The following ENDOV variants were observed in gnomAD, a reference collection of about 807,000 sequenced individuals.
The protein encoded by ENDOV is hEndoV.
ENDOV carries 37 observed loss-of-function variants against 39.4 expected under a neutral mutation model. The ratio of observed to expected loss-of-function variants is 0.94; its 90% CI spans 0.72 to 1.23. The LOEUF (loss-of-function observed/expected upper bound fraction) is 1.23. ENDOV is among the 50% of genes most tolerant of loss of function. The probability of loss-of-function intolerance (pLI) is 0.00; values close to 1 mark genes in which losing one functional copy is unlikely to be tolerated. For missense variants in ENDOV, 441 were observed against 375.7 expected (o/e 1.17, Z -1.44); for synonymous variants, 186 against 163.4 (o/e 1.14, Z -1.05).
chr17:80,436,299 G>T lies in ENDOV; in HGVS notation c.*156G>T. 1 of 1,573,776 alleles carries T rather than the reference G, an allele frequency of 6.4e-7. No individual in the cohort carries two copies. The highest frequency in any genetic ancestry group is 8.6e-7 in the Non-Finnish European group (1 of 1,165,310). On this transcript the variant is annotated 3_prime_UTR_variant, in exon 10 of 10. Transcript: ENST00000518137. The stretch of plus-strand genomic sequence containing the variant: ...CGCGGTGGTGAGAGCACACGTCCTC[G>T]TCTCGTTCCTGATCGAACGTGGTGG...
At position 80,415,630 on chromosome 17, in the gene ENDOV, T is replaced by C; in HGVS notation, c.57-20T>C. ...TCTGAGGTGTGACCCCGACCAAGTTTGACGCTTCTGTCCTCCTAGGGAGCA... is the reference window on the plus strand; with the variant it reads ...TCTGAGGTGTGACCCCGACCAAGTTCGACGCTTCTGTCCTCCTAGGGAGCA... On this transcript the variant is annotated intron_variant, in intron 1 of 9. Transcript: ENST00000518137. 7 of 1,609,350 alleles carry C rather than the reference T, an allele frequency of 4.3e-6. No homozygotes were observed. The highest frequency in any genetic ancestry group is 5.9e-6 in the Non-Finnish European group (7 of 1,177,840).
rs529071031 is a variant in ENDOV at position 80,415,907 on chromosome 17, A to G, written c.228+86A>G. Reference sequence around the variant, plus strand: ...CCGGGACAGGGAGCAGTGCAAGCGTAGAACCCGGCTTCTCGTTTTGTAGGA... The same window carrying G: ...CCGGGACAGGGAGCAGTGCAAGCGTGGAACCCGGCTTCTCGTTTTGTAGGA... On this transcript the variant is annotated intron_variant, in intron 2 of 9. Coordinates refer to ENST00000518137, the MANE Select transcript of ENDOV (RefSeq NM_173627.5). The G allele has an allele frequency of 1.9e-4, 283 of 1,472,640 alleles. 2 individuals carry two copies. In the South Asian group the frequency reaches 3.5e-3, roughly 18 times the overall value. The allele number at this position is 1,472,640 out of a possible 1,614,324, so 91.2% of individuals were successfully genotyped here.
intron 2 of ENDOV, chr17:80,416,119 C>G: frequency 3.9e-6 from 1 of 255,480 alleles, no homozygotes; most frequent in Non-Finnish European, 7.6e-6. Flanking sequence ...TACCTGTAAT[C>G]CCAGCTACTC....
chr17:80,437,372 G>C lies in ENDOV; in HGVS notation c.*1229G>C, dbSNP rs901651279. 6.5e-6 allele frequency: 1 copy of C among 152,702 alleles called. No homozygotes were observed. The highest frequency in any genetic ancestry group is 2.4e-5 in the African/African-American group (1 of 41,466). 9.5% of individuals were successfully genotyped at this position (152,702 alleles called of 1,614,324 possible). ...CAGCACCCCACCAAGTCCTCAGTAA[G>C]GCCTGTCTTTGGGGGAGCAGGGTTT... On this transcript the variant is annotated 3_prime_UTR_variant, in exon 10 of 10. Coordinates refer to ENST00000518137, the MANE Select transcript of ENDOV (RefSeq NM_173627.5).
Position 80,425,113 on chromosome 17 carries a change from G to A in ENDOV, c.585+13G>A. ...TGTCCTGGGAATGGTGAGTAGCTAG[G>A]GCCCTGAGCTCCTCCAAAGCCCCGG... On this transcript the variant is annotated intron_variant, in intron 6 of 9. Coordinates refer to ENST00000518137, the MANE Select transcript of ENDOV (RefSeq NM_173627.5). 1.2e-6 allele frequency: 2 copies of A among 1,601,938 alleles called. No individual in the cohort carries two copies. Among genetic ancestry groups the A allele is most frequent in the Non-Finnish European group, 1.7e-6 (2 of 1,174,166 alleles).
intron 8 of ENDOV, among the ~76,000 whole-genome samples, chr17:80,429,070 A>C (rs926482485): frequency 2.1e-4 from 32 of 152,198 alleles, no homozygotes; most frequent in African/African-American, 7.0e-4. Flanking sequence ...GCACTCTTCG[A>C]GCCTCAGCTT....
rs898120791 is a variant in ENDOV at position 80,435,898 on chromosome 17, G to A, written c.839-235G>A. 7.2e-5 allele frequency among the ~76,000 whole-genome samples: 11 copies of A among 152,116 alleles called. No homozygotes were observed. In the East Asian group the frequency reaches 1.7e-3, roughly 24 times the overall value. On this transcript the variant is annotated intron_variant, in intron 9 of 9. Transcript: ENST00000518137. ...CCCAAAGTGCTGGGATTACAGGCGT[G>A]AGCCATTGTGTCCGGCCTAGTTTTT...
chr17:80,427,493 A>C, intron 7 of ENDOV: 1 of 985,460 alleles, frequency 1.0e-6, no homozygotes, highest in Non-Finnish European at 1.2e-6. Context: ...GAGCCTGCCA[A>C]ATCCTGGGCC....
chr17:80,429,481 C>T (rs7210752), intron 8 of ENDOV, among the ~76,000 whole-genome samples: 2,087 of 152,310 alleles, frequency 0.014, 52 homozygotes, highest in African/African-American at 0.047. Flanking sequence ...GCGGTTCCTT[C>T]GTGCTCATTT....
At chr17:80,418,085 C>T (rs2081441978) in intron 2 of ENDOV, 1 of 152,180 alleles carries the variant, frequency 6.6e-6, no homozygotes, top group Non-Finnish European at 1.5e-5. Context: ...AAGAGGTCCC[C>T]TGGCCATTGT....
rs551629294 is a variant in ENDOV at position 80,425,757 on chromosome 17, T to C, written c.714+137T>C. On this transcript the variant is annotated intron_variant, in intron 7 of 9. Transcript: ENST00000518137. Reference sequence around the variant, plus strand: ...CGGGGGTTCCTGGGCCGAGGACAGGTCACAGACATCTTGCTGGAGAGCTTG... The same window carrying C: ...CGGGGGTTCCTGGGCCGAGGACAGGCCACAGACATCTTGCTGGAGAGCTTG... The C allele has an allele frequency of 8.8e-5, 118 of 1,340,370 alleles. No homozygotes were observed. In the African/African-American group the frequency reaches 1.6e-3, roughly 18 times the overall value. 83.0% of individuals were successfully genotyped at this position (1,340,370 alleles called of 1,614,324 possible). A position where few individuals can be genotyped will look rare whatever the true frequency, so the allele number is the denominator to read the frequency against.
In ENDOV at chr17:80,428,643, C is replaced by G. The variant is rs1005143366; in HGVS notation, c.762C>G (p.Pro254=). 2.5e-6 allele frequency: 4 copies of G among 1,582,920 alleles called. No homozygotes were observed. The highest frequency in any genetic ancestry group is 3.4e-6 in the Non-Finnish European group (4 of 1,165,042). Residue 254 remains proline, a synonymous_variant, in exon 8 of 10, where the codon CCC becomes CCG. Transcript: ENST00000518137. The part of the protein sequence containing the change: ...REHIRKSLGL[P]GPPTPRSPKA... ...ACATCCGCAAGTCGCTGGGACTCCC[C>G]GGGCCACCCACACCGAGGTGAGCAC...
intron 2 of ENDOV, among the ~76,000 whole-genome samples, chr17:80,416,689 CCCCTCCCT>C (rs56884894): frequency 2.5e-4 from 36 of 143,150 alleles, no homozygotes; most frequent in African/African-American, 2.7e-5. Flanking sequence ...AGCAACAAGT[CCCCTCCCT>C]CCCTCCCTCC....
chr17:80,427,396 C>T (rs368471460), intron 7 of ENDOV: 3 of 984,440 alleles, frequency 3.0e-6, no homozygotes, highest in Non-Finnish European at 2.4e-6. Flanking sequence ...GGACAGTGGC[C>T]CATCCTTGCA....
chr17:80,415,560 A>T, intron 1 of ENDOV, 90 bp from the exon 2 acceptor site: 1 of 1,462,064 alleles, frequency 6.8e-7, no homozygotes, highest in African/African-American at 1.4e-5. Context: ...AAGACCCGGC[A>T]GAGGCGCTCT....
chr17:80,433,568 G>C (rs987456717), intron 9 of ENDOV, among the ~76,000 whole-genome samples: 1 of 152,224 alleles, frequency 6.6e-6, no homozygotes, highest in African/African-American at 2.4e-5. Flanking sequence ...TGCGCCCTGG[G>C]GCTTCACTCC....
rs781236132 is a variant in ENDOV, at chr17:80,422,011, G to C, written c.363+49G>C. On this transcript the variant is annotated intron_variant, in intron 3 of 9. Transcript: ENST00000518137. ...AGAGAAAGGTCCCTCCTTCCCCCTG[G>C]GGGAGGGAAGGCTGCTGCAGGTCGC... is the stretch of plus-strand genomic sequence containing the variant. The C allele has an allele frequency of 1.2e-5, 19 of 1,594,662 alleles. No homozygotes were observed. In the Admixed American group the frequency reaches 2.4e-4, roughly 20 times the overall value.
chr17:80,433,301 A>G (rs1599476379), intron 9 of ENDOV: 1 of 491,254 alleles, frequency 2.0e-6, no homozygotes, highest in East Asian at 5.8e-5. Context: ...AGGGCTCAGC[A>G]GGGAGCCTTG....
rs777505059 is a variant in ENDOV, at chr17:80,436,127, G to A, written c.839-6G>A. 1.4e-5 allele frequency: 23 copies of A among 1,611,090 alleles called. No homozygotes were observed. The South Asian group carries it at 1.6e-4, about 12-fold the overall frequency. The stretch of plus-strand genomic sequence containing the variant: ...CTTGCCTCATTGCTCTGGCTGGAAC[G>A]TCTAGCACTTTGTTGAACGTGGTGG... On this transcript the variant is annotated splice_region_variant and splice_polypyrimidine_tract_variant and intron_variant, in intron 9 of 9. Coordinates refer to ENST00000518137, the MANE Select transcript of ENDOV (RefSeq NM_173627.5).
Sources: allele counts gnomAD v4.1 joint callset (sites outside exome capture counted in the v4.1 genomes callset), GRCh38; gene constraint gnomAD v4.1.1; transcripts MANE v1.5; gene names NCBI Gene and HGNC (gene_info 2026-07-23, HGNC 2026-07-21).